WWOX: variants seen among roughly 807,000 people sequenced by gnomAD.
WWOX encodes WW domain containing oxidoreductase.
In WWOX, 69 loss-of-function variants were observed where a neutral mutation model predicts 46.2. That is an observed-to-expected ratio of 1.49 (90% CI 1.23 to 1.82). The LOEUF (loss-of-function observed/expected upper bound fraction) is 1.82, where lower values mean the gene tolerates loss of function less well. Among genes scored for constraint, WWOX ranks in the 40% most tolerant of loss-of-function variants. The pLI, the probability that WWOX is intolerant of heterozygous loss-of-function variation, is 0.00. For synonymous variants in WWOX, 359 were observed against 202.6 expected (o/e 1.77, Z -6.56); for missense variants, 919 against 542.6 (o/e 1.69, Z -6.89).
chr16:78,349,094 T>G (rs8062569), intron 5 of WWOX, among the ~76,000 whole-genome samples: 69,534 of 118,320 alleles, frequency 0.59, 28,578 homozygotes, highest in African/African-American at 0.71. Context: ...AGGTCAAGGT[T>G]CCGGCACAGT....
At chr16:78,668,444 C>A (rs1461009331) in intron 8 of WWOX, among the ~76,000 whole-genome samples, 1 of 152,192 alleles carries the variant, frequency 6.6e-6, no homozygotes, top group Non-Finnish European at 1.5e-5. Context: ...AGATTCCATT[C>A]TTTCCTTTGT....
chr16:78,493,071 C>T (rs1332298136), intron 8 of WWOX, among the ~76,000 whole-genome samples: 2 of 152,132 alleles, frequency 1.3e-5, no homozygotes, highest in Admixed American at 6.5e-5. Context: ...AACAGACTAG[C>T]CCCCTGTACA....
chr16:78,930,322 G>C (rs1451187440), intron 8 of WWOX, among the ~76,000 whole-genome samples: 1 of 126,770 alleles, frequency 7.9e-6, no homozygotes, highest in South Asian at 2.5e-4. Context: ...TCCACACCCA[G>C]ACTGGAGTGC....
intron 4 of WWOX, among the ~76,000 whole-genome samples, chr16:78,144,445 A>ACG (rs1244011701): frequency 0.057 from 956 of 16,896 alleles, 160 homozygotes; most frequent in East Asian, 0.25. Flanking sequence ...ATATATATAT[A>ACG]TACACATATA....
At chr16:78,644,053 T>A (rs2046785105) in intron 8 of WWOX, among the ~76,000 whole-genome samples, 1 of 152,078 alleles carries the variant, frequency 6.6e-6, no homozygotes, top group East Asian at 1.9e-4. Flanking sequence ...AGAAAACCTG[T>A]GTCTTCTAAA....
At chr16:78,440,687 G>A (rs1489139318) in intron 8 of WWOX, among the ~76,000 whole-genome samples, 4 of 151,582 alleles carry the variant, frequency 2.6e-5, no homozygotes, top group Non-Finnish European at 4.4e-5. Context: ...CACAATCCCG[G>A]CTCACTGCAA....
chr16:79,153,539 GAC>G (rs2050322419), intron 8 of WWOX, among the ~76,000 whole-genome samples: 1 of 152,118 alleles, frequency 6.6e-6, no homozygotes, highest in African/African-American at 2.4e-5. Flanking sequence ...TGGAAATTCG[GAC>G]TGTGGATTAC....
Position 78,190,840 on chromosome 16 carries a change from G to A in WWOX, c.516+26551G>A, listed in dbSNP as rs1018289212. 9.2e-5 allele frequency among the ~76,000 whole-genome samples: 14 copies of A among 152,272 alleles called. No individual in the cohort carries two copies. In the South Asian group the frequency reaches 1.4e-3, roughly 16 times the overall value. On this transcript the variant is annotated intron_variant, in intron 5 of 8. Coordinates refer to ENST00000566780, the MANE Select transcript of WWOX (RefSeq NM_016373.4). ...GATAATGGAGAATGCTGGACAGGCT[G>A]CTTTTCATGTCATGGGTTCGCTATA...
chr16:78,650,862 A>G (rs1419759105), intron 8 of WWOX, among the ~76,000 whole-genome samples: 2 of 152,134 alleles, frequency 1.3e-5, no homozygotes, highest in African/African-American at 2.4e-5. Flanking sequence ...AATATTTCGG[A>G]TTTATATTAT....
intron 8 of WWOX, among the ~76,000 whole-genome samples, chr16:79,113,569 C>T (rs757391587): frequency 1.9e-4 from 29 of 152,204 alleles, no homozygotes; most frequent in Admixed American, 3.9e-4. Context: ...TAGGCTTACG[C>T]CTGGGTGGAA....
At chr16:78,508,310 C>CTTTTTTTTTTTTTTTTTTTTTTTTTTT in intron 8 of WWOX, among the ~76,000 whole-genome samples, 1 of 112,770 alleles carries the variant, frequency 8.9e-6, no homozygotes, top group South Asian at 3.3e-4. Context: ...TGCGCCCGGC[C>CTTTTTTTTTTTTTTTTTTTTTTTTTTT]TTTTTTTTTT....
At chr16:79,123,674 C>G (rs1244745511) in intron 8 of WWOX, among the ~76,000 whole-genome samples, 1 of 152,122 alleles carries the variant, frequency 6.6e-6, no homozygotes, top group African/African-American at 2.4e-5. Context: ...CACCCACAGC[C>G]AATTGCAATC....
chr16:78,123,951 A>T (rs2033245199), intron 4 of WWOX: 1 of 152,126 alleles, frequency 6.6e-6, no homozygotes, highest in South Asian at 2.1e-4. Flanking sequence ...ACTTAATGTG[A>T]AGCAGATAGC....
intron 8 of WWOX, among the ~76,000 whole-genome samples, chr16:79,049,478 C>T (rs944121572): frequency 2.6e-5 from 4 of 152,142 alleles, no homozygotes; most frequent in African/African-American, 9.7e-5. Flanking sequence ...ACAGCTGGGA[C>T]ACTCCACAGA....
At chr16:78,620,578 G>A (rs1025565664) in intron 8 of WWOX, among the ~76,000 whole-genome samples, 1 of 152,074 alleles carries the variant, frequency 6.6e-6, no homozygotes, top group Non-Finnish European at 1.5e-5. Context: ...CACCTTATCT[G>A]GGACTCTTGT....
intron 4 of WWOX, among the ~76,000 whole-genome samples, chr16:78,124,576 G>T (rs890048615): frequency 6.6e-6 from 1 of 152,178 alleles, no homozygotes; most frequent in African/African-American, 2.4e-5. Context: ...CCAATAGCTC[G>T]CTTTTAGTTT....
intron 8 of WWOX, among the ~76,000 whole-genome samples, chr16:78,606,342 A>G (rs2045756034): frequency 6.6e-6 from 1 of 152,114 alleles, no homozygotes; most frequent in African/African-American, 2.4e-5. Flanking sequence ...GAAGGATGCT[A>G]TTTACTATTA....
At chr16:78,991,666 A>G (rs909670507) in intron 8 of WWOX, among the ~76,000 whole-genome samples, 38 of 148,610 alleles carry the variant, frequency 2.6e-4, no homozygotes, top group South Asian at 2.1e-4. Flanking sequence ...ACTTGTTTTC[A>G]CTCCCTCAGA....
In WWOX at chr16:78,526,589, C is replaced by G. The variant is rs979099941; in HGVS notation, c.1056+93837C>G. On this transcript the variant is annotated intron_variant, in intron 8 of 8. Transcript: ENST00000566780. The stretch of plus-strand genomic sequence containing the variant: ...ACAGGTGTCCCCCAGATTGGATCCT[C>G]TGCTCTAGGACACATTCTTGTCCTA... 2.0e-5 allele frequency: 3 copies of G among 152,210 alleles called. 1 individual carries two copies. Among genetic ancestry groups the G allele is most frequent in the Non-Finnish European group, 4.4e-5 (3 of 68,066 alleles). The allele number at this position is 152,210 out of a possible 1,614,324, so 9.4% of individuals were successfully genotyped here.
Sources: allele counts gnomAD v4.1 joint callset (sites outside exome capture counted in the v4.1 genomes callset), GRCh38; gene constraint gnomAD v4.1.1; transcripts MANE v1.5; gene names NCBI Gene and HGNC (gene_info 2026-07-23, HGNC 2026-07-21).